The following PDE4B variants were observed in gnomAD, a reference collection of about 807,000 sequenced individuals.
The protein encoded by PDE4B is phosphodiesterase 4B.
In PDE4B, 20 loss-of-function variants were observed where a neutral mutation model predicts 82.2. That is an observed-to-expected ratio of 0.24 (90% confidence interval 0.17 to 0.35). The LOEUF is 0.35. PDE4B is among the 10% of genes least tolerant of loss of function. The pLI is 1.00. For missense variants in PDE4B, 655 were observed against 907.2 expected (o/e 0.72, Z 3.57); for synonymous variants, 320 against 318.9 (o/e 1.00, Z -0.04).
chr1:65,978,538 ATGAT>A (rs66752967), intron 3 of PDE4B, among the ~76,000 whole-genome samples: 41,062 of 151,812 alleles, frequency 0.27, 5,777 homozygotes, highest in East Asian at 0.44. Context: ...ATTCTCCTCC[ATGAT>A]TGCTCTTCAG....
intron 3 of PDE4B, among the ~76,000 whole-genome samples, chr1:66,009,647 C>T (rs1213362244): frequency 2.6e-5 from 4 of 152,110 alleles, no homozygotes; most frequent in African/African-American, 4.8e-5. Flanking sequence ...ATCAAGACCT[C>T]GGCCTTTTCT....
chr1:66,158,347 A>T (rs575875771), intron 3 of PDE4B, among the ~76,000 whole-genome samples: 32 of 152,320 alleles, frequency 2.1e-4, no homozygotes, highest in African/African-American at 7.0e-4. Flanking sequence ...AGAACAAGCA[A>T]TGCTATTTCA....
chr1:65,964,544 T>C lies in PDE4B; in HGVS notation c.281+45709T>C, dbSNP rs981541250. Among the ~76,000 whole-genome samples, 5 of 152,224 alleles carry C rather than the reference T, an allele frequency of 3.3e-5. No homozygotes were observed. The East Asian group carries it at 7.7e-4, about 23-fold the overall frequency. ...TGTGTTTACAATGTGTCCATTAATG[T>C]CCTGGCTAATGTAAAATGATGAGGA... On this transcript the variant is annotated intron_variant, in intron 3 of 16. Transcript: ENST00000341517.
intron 3 of PDE4B, among the ~76,000 whole-genome samples, chr1:66,179,468 T>TA (rs1647014539): frequency 6.6e-6 from 1 of 151,896 alleles, no homozygotes. Context: ...ATTGCAAATA[T>TA]AGCCCTCTTT....
intron 3 of PDE4B, among the ~76,000 whole-genome samples, chr1:66,192,262 A>T (rs1312127422): frequency 6.6e-6 from 1 of 152,162 alleles, no homozygotes; most frequent in East Asian, 1.9e-4. Flanking sequence ...TCAGGCAGAT[A>T]AGCAAATAAT....
At chr1:66,324,725 A>T (rs1447410990) in intron 7 of PDE4B, among the ~76,000 whole-genome samples, 1 of 152,192 alleles carries the variant, frequency 6.6e-6, no homozygotes, top group African/African-American at 2.4e-5. Flanking sequence ...TTCCATATCT[A>T]TAAAGACATG....
chr1:66,343,205 C>A (rs373864002), intron 8 of PDE4B, among the ~76,000 whole-genome samples: 1 of 152,150 alleles, frequency 6.6e-6, no homozygotes, highest in East Asian at 1.9e-4. Flanking sequence ...TTGTTAGTAG[C>A]TCCTCTTGAT....
At position 66,367,826 on chromosome 1, in the gene PDE4B, A is replaced by G. The variant is rs1489054796; in HGVS notation, c.1515A>G (p.Thr505=). 2 of 1,613,608 alleles carry G rather than the reference A, an allele frequency of 1.2e-6. No individual in the cohort carries two copies. Among genetic ancestry groups the G allele is most frequent in the East Asian group, 2.2e-5 (1 of 44,882 alleles). The change falls in exon 14 of 17, where the codon ACA becomes ACG. Residue 505 remains threonine (T), a synonymous_variant. Coordinates refer to ENST00000341517, the MANE Select transcript of PDE4B (RefSeq NM_002600.4). ...ATCTCACCAAGAAGCAGCGTCAGAC[A>G]CTCAGGAAGATGGTTATTGACATGG... ...FMNLTKKQRQ[T]LRKMVIDMVL... is the part of the protein sequence containing the mutation.
At chr1:66,291,784 T>A (rs1304801424) in intron 7 of PDE4B, among the ~76,000 whole-genome samples, 1 of 152,150 alleles carries the variant, frequency 6.6e-6, no homozygotes, top group Admixed American at 6.6e-5. Flanking sequence ...GAATTGAGAT[T>A]TGACTTTTAA....
chr1:65,865,508 A>G (rs1646501198), intron 1 of PDE4B, among the ~76,000 whole-genome samples: 1 of 151,810 alleles, frequency 6.6e-6, no homozygotes, highest in Admixed American at 6.6e-5. Flanking sequence ...TTTGCTTGAA[A>G]CCCAGGGCCC....
At chr1:66,178,402 G>A (rs770695792) in intron 3 of PDE4B, among the ~76,000 whole-genome samples, 6 of 152,084 alleles carry the variant, frequency 3.9e-5, no homozygotes, top group East Asian at 3.9e-4. Context: ...ACTCGGTTCC[G>A]TGTTATTCTA....
chr1:66,365,715 A>G lies in PDE4B; in HGVS notation c.1333A>G (p.Ile445Val), dbSNP rs185687552. 4 of 1,609,886 alleles carry G rather than the reference A, an allele frequency of 2.5e-6. No individual in the cohort carries two copies. The highest frequency in any genetic ancestry group is 2.2e-5 in the South Asian group (2 of 90,618). The change falls in exon 13 of 17, where the codon ATC (isoleucine) becomes GTC (valine). Residue 445 changes from isoleucine (I) to valine (V), a missense_variant. By Grantham distance (29) the Ile-to-Val change is conservative. Around this residue, in one of 3 missense-constraint regions of PDE4B, gnomAD observed 283 missense variants for 516.4 expected, o/e 0.55. Coordinates refer to ENST00000341517, the MANE Select transcript of PDE4B (RefSeq NM_002600.4). ...CCTGGCTGCCATTTTTGCAGCTGCCATCCATGACGTTGATCATCCTGGAGT... is the reference window on the plus strand; with the variant it reads ...CCTGGCTGCCATTTTTGCAGCTGCCGTCCATGACGTTGATCATCCTGGAGT... The part of the protein sequence containing the change: ...EILAAIFAAA[I>V]HDVDHPGVSN...
chr1:66,019,351 T>C (rs993601516), intron 3 of PDE4B, among the ~76,000 whole-genome samples: 1 of 112,748 alleles, frequency 8.9e-6, no homozygotes, highest in Non-Finnish European at 1.8e-5. Context: ...ATTATTATTG[T>C]TATTCTTTTT....
At chr1:66,179,267 G>A (rs1647009322) in intron 3 of PDE4B, among the ~76,000 whole-genome samples, 1 of 152,180 alleles carries the variant, frequency 6.6e-6, no homozygotes, top group Non-Finnish European at 1.5e-5. Flanking sequence ...ATCATATAGT[G>A]AATGAGCAAC....
chr1:66,151,129 G>A (rs1646384376), intron 3 of PDE4B, among the ~76,000 whole-genome samples: 1 of 152,152 alleles, frequency 6.6e-6, no homozygotes, highest in Non-Finnish European at 1.5e-5. Context: ...TTCTTTAAAT[G>A]TTGGATATAA....
chr1:66,033,638 C>CA (rs1653911863), intron 3 of PDE4B, among the ~76,000 whole-genome samples: 4 of 149,312 alleles, frequency 2.7e-5, no homozygotes, highest in South Asian at 4.2e-4. Flanking sequence ...GCCAGATAAA[C>CA]AAGCAAGACT....
intron 3 of PDE4B, among the ~76,000 whole-genome samples, chr1:66,134,965 C>T (rs563791095): frequency 1.3e-5 from 2 of 152,240 alleles, no homozygotes; most frequent in African/African-American, 2.4e-5. Context: ...ATTACATAGT[C>T]GTACAAAAGG....
chr1:66,269,267 T>G (rs1262738420), intron 7 of PDE4B, among the ~76,000 whole-genome samples: 1 of 152,190 alleles, frequency 6.6e-6, no homozygotes, highest in East Asian at 1.9e-4. Context: ...ATCTAAGAAG[T>G]TGGCATTTAG....
At chr1:65,856,797 CA>C (rs1447802817) in intron 1 of PDE4B, among the ~76,000 whole-genome samples, 2 of 152,206 alleles carry the variant, frequency 1.3e-5, no homozygotes, top group African/African-American at 4.8e-5. Flanking sequence ...TTCCAACCAA[CA>C]GTCAATCAAA....
Sources: allele counts gnomAD v4.1 joint callset (sites outside exome capture counted in the v4.1 genomes callset), GRCh38; gene constraint gnomAD v4.1.1; regional missense constraint gnomAD v4.1.1; transcripts MANE v1.5; gene names NCBI Gene and HGNC (gene_info 2026-07-23, HGNC 2026-07-21).